The following GSTA4 variants were observed in gnomAD, a reference collection of about 807,000 sequenced individuals.
GSTA4 encodes the protein glutathione S-transferase alpha 4, also known as glutathione S-transferase A4.
A neutral mutation model predicts 24.4 loss-of-function variants in GSTA4; 15 were observed. The ratio of observed to expected loss-of-function variants is 0.61; its 90% confidence interval spans 0.41 to 0.95. The LOEUF (loss-of-function observed/expected upper bound fraction) is 0.95. GSTA4 is among the 40% of genes least tolerant of loss of function. The pLI, the probability that GSTA4 is intolerant of heterozygous loss-of-function variation, is 0.00. For missense variants in GSTA4, 244 were observed against 262.1 expected (o/e 0.93, Z 0.48); for synonymous variants, 92 against 94.2 (o/e 0.98, Z 0.13).
At chr6:52,989,758 C>A (rs960622057) in intron 2 of GSTA4, among the ~76,000 whole-genome samples, 5 of 152,196 alleles carry the variant, frequency 3.3e-5, no homozygotes, top group African/African-American at 1.2e-4. Flanking sequence ...ATTTGTCTCT[C>A]AGATAGATTC....
At chr6:52,993,838 C>T (rs1239837312) in intron 2 of GSTA4, 1 of 383,700 alleles carries the variant, frequency 2.6e-6, no homozygotes, top group African/African-American at 2.1e-5. Flanking sequence ...AGAAATTTAC[C>T]CTGAGAATGC....
At chr6:52,980,111 G>C (rs936529393) in intron 6 of GSTA4, among the ~76,000 whole-genome samples, 45 of 152,192 alleles carry the variant, frequency 3.0e-4, no homozygotes, top group African/African-American at 9.9e-4. Context: ...AAAAAGGGTT[G>C]TTATTATAGT....
intron 6 of GSTA4, 82 bp downstream of exon 6, chr6:52,982,492 T>A (rs1581908677): frequency 8.3e-6 from 7 of 844,666 alleles, no homozygotes; most frequent in Middle Eastern, 4.8e-4. Flanking sequence ...ACACACACAC[T>A]CCCCAAAGCC....
intron 6 of GSTA4, among the ~76,000 whole-genome samples, chr6:52,981,979 C>T (rs316135): frequency 0.51 from 77,656 of 151,588 alleles, 20,192 homozygotes; most frequent in East Asian, 0.74. Context: ...GCTAACATCT[C>T]TCATTTGCTC....
Position 52,979,635 on chromosome 6 carries a change from A to C in GSTA4, c.547-1043T>G, listed in dbSNP as rs557681914. ...ATTATTCTAATAAAACCTTTTAAAG[A>C]TATTTAAATAAAACCATTTATTTAA... On this transcript the variant is annotated intron_variant, in intron 6 of 6. Transcript: ENST00000370963. Among the ~76,000 whole-genome samples the C allele has an allele frequency of 2.0e-5, 3 of 152,342 alleles. No individual in the cohort carries two copies. The South Asian group carries it at 6.2e-4, about 32-fold the overall frequency.
rs45461502 is a variant in GSTA4, at chr6:52,984,593, G to A, written c.285C>T (p.Tyr95=). The A allele has an allele frequency of 1.6e-4, 255 of 1,612,500 alleles. No homozygotes were observed. The highest frequency in any genetic ancestry group is 5.8e-4 in the East Asian group (26 of 44,838). Residue 95 remains tyrosine (Y), a synonymous_variant, in exon 5 of 7, where the codon TAC becomes TAT. Coordinates refer to ENST00000370963, the MANE Select transcript of GSTA4 (RefSeq NM_001512.4). The part of the protein sequence containing the change: ...NLKERTLIDM[Y]VEGTLDLLEL... ...CCAGCAGATCCAGTGTCCCCTCCAC[G>A]TACATGTCAATCCTTAAAACAAAAA...
intron 5 of GSTA4, among the ~76,000 whole-genome samples, chr6:52,983,690 T>A (rs1383332318): frequency 6.6e-6 from 1 of 152,202 alleles, no homozygotes; most frequent in Non-Finnish European, 1.5e-5. Flanking sequence ...GAATGAGCAG[T>A]GAACCTTTGC....
intron 2 of GSTA4, among the ~76,000 whole-genome samples, chr6:52,989,388 C>T (rs1226112892): frequency 4.6e-5 from 7 of 152,260 alleles, no homozygotes; most frequent in Non-Finnish European, 2.9e-5. Flanking sequence ...CAAGAACCCT[C>T]GGTTGGGGTC....
At chr6:52,988,977 G>A (rs1021613859) in intron 2 of GSTA4, among the ~76,000 whole-genome samples, 1 of 152,178 alleles carries the variant, frequency 6.6e-6, no homozygotes, top group Non-Finnish European at 1.5e-5. Flanking sequence ...GGCATTGTAA[G>A]CCACTGGATG....
intron 2 of GSTA4, among the ~76,000 whole-genome samples, chr6:52,993,476 A>T (rs1763703215): frequency 6.6e-6 from 1 of 152,236 alleles, no homozygotes; most frequent in Non-Finnish European, 1.5e-5. Flanking sequence ...AGAATTGCTA[A>T]TTTTGTTGGA....
At chr6:52,991,918 A>G (rs1490268185) in intron 2 of GSTA4, among the ~76,000 whole-genome samples, 1 of 151,916 alleles carries the variant, frequency 6.6e-6, no homozygotes, top group Non-Finnish European at 1.5e-5. Flanking sequence ...CACCACACCC[A>G]GCTAATTTTT....
intron 1 of GSTA4, 24 bp from the exon 2 acceptor site, chr6:52,994,285 G>T (rs1268132214): frequency 1.5e-6 from 2 of 1,314,778 alleles, no homozygotes; most frequent in East Asian, 2.3e-5. Context: ...GCAGCAGCTC[G>T]TCGCAGACCA....
intron 2 of GSTA4, chr6:52,993,857 T>C: frequency 2.4e-6 from 1 of 424,292 alleles, no homozygotes; most frequent in Non-Finnish European, 4.4e-6. Flanking sequence ...GCATAATTAA[T>C]AAGAGCTCAG....
chr6:52,984,430 T>C (rs892169902), intron 5 of GSTA4, 34 bp downstream of exon 5: 1 of 1,584,400 alleles, frequency 6.3e-7, no homozygotes, highest in Non-Finnish European at 8.6e-7. Context: ...TGTGGTTTGG[T>C]TGCTCTGTGT....
intron 3 of GSTA4, among the ~76,000 whole-genome samples, chr6:52,986,287 T>C (rs956888459): frequency 6.6e-6 from 1 of 152,238 alleles, no homozygotes; most frequent in Non-Finnish European, 1.5e-5. Context: ...CTAGACATAT[T>C]TCATGTGCTC....
chr6:52,979,289 C>T (rs557048630), intron 6 of GSTA4, among the ~76,000 whole-genome samples: 15 of 152,194 alleles, frequency 9.9e-5, no homozygotes, highest in Middle Eastern at 3.2e-3. Context: ...GGAGAAAATG[C>T]ATGAGCCACT....
In GSTA4 at chr6:52,985,605, T is replaced by C. The variant is rs201965746; in HGVS notation, c.140-22A>G. On this transcript the variant is annotated intron_variant, in intron 3 of 6. Coordinates refer to ENST00000370963, the MANE Select transcript of GSTA4 (RefSeq NM_001512.4). Reference sequence around the variant, plus strand: ...TTACCTGAGAATGGAAGCCCAGAGTTAGAAGTGATCTTTTCTTCTCTGTCC... The same window carrying C: ...TTACCTGAGAATGGAAGCCCAGAGTCAGAAGTGATCTTTTCTTCTCTGTCC... 2,045 of 1,612,664 alleles carry C rather than the reference T, an allele frequency of 1.3e-3. 1 individual carries two copies. Among genetic ancestry groups the C allele is most frequent in the Non-Finnish European group, 1.6e-3 (1,935 of 1,179,096 alleles).
intron 6 of GSTA4, among the ~76,000 whole-genome samples, chr6:52,979,651 A>G (rs1763412277): frequency 6.7e-6 from 1 of 149,796 alleles, no homozygotes; most frequent in African/African-American, 2.5e-5. Context: ...AAATAAAACC[A>G]TTTATTTAAA....
At chr6:52,994,766 T>C (rs555471716) in intron 1 of GSTA4, among the ~76,000 whole-genome samples, 5 of 152,250 alleles carry the variant, frequency 3.3e-5, no homozygotes, top group African/African-American at 9.6e-5. Context: ...CTGCAAAATG[T>C]GCGTCCACCG....
Sources: allele counts gnomAD v4.1 joint callset (sites outside exome capture counted in the v4.1 genomes callset), GRCh38; gene constraint gnomAD v4.1.1; transcripts MANE v1.5; gene names NCBI Gene and HGNC (gene_info 2026-07-23, HGNC 2026-07-21).